The following NAALADL2 variants were observed in gnomAD, a reference collection of about 807,000 sequenced individuals.
NAALADL2 encodes N-acetylated alpha-linked acidic dipeptidase like 2.
In NAALADL2, 76 loss-of-function variants were observed where a neutral mutation model predicts 87.2. The observed-to-expected ratio is 0.87, with a 90% CI of 0.72 to 1.05. The LOEUF (loss-of-function observed/expected upper bound fraction) is 1.05, where lower values mean the gene tolerates loss of function less well. NAALADL2 is among the 50% of genes least tolerant of loss of function. The pLI is 0.00. For synonymous variants in NAALADL2, 354 were observed against 331.0 expected, an observed-to-expected ratio of 1.07 and a Z score of -0.75; for missense variants, 1,089 against 945.8, an observed-to-expected ratio of 1.15 and a Z score of -1.99.
intron 1 of NAALADL2, among the ~76,000 whole-genome samples, chr3:174,449,585 T>C (rs1189514302): frequency 6.6e-6 from 1 of 152,188 alleles, no homozygotes; most frequent in Non-Finnish European, 1.5e-5. Context: ...ACAGTATAAA[T>C]GTATTGTCAA....
chr3:175,775,941 A>G (rs914972841), intron 13 of NAALADL2, among the ~76,000 whole-genome samples: 4 of 152,092 alleles, frequency 2.6e-5, no homozygotes, highest in African/African-American at 9.7e-5. Flanking sequence ...CAGCTACAGG[A>G]GCTTTCTGTC....
rs77850359 is a variant in NAALADL2, at chr3:174,446,252, G to A, written c.-184+5220G>A. On this transcript the variant is annotated intron_variant, in intron 1 of 3. Transcript: ENST00000434257. Reference sequence around the variant, plus strand: ...AGTAGAGATATTTTAATTTTTAGATGGTCAGTCATGAAAAACTTCAGAAGT... The same window carrying A: ...AGTAGAGATATTTTAATTTTTAGATAGTCAGTCATGAAAAACTTCAGAAGT... Among the ~76,000 whole-genome samples, 349 of 152,110 alleles carry A rather than the reference G, an allele frequency of 2.3e-3. 3 individuals carry two copies. The highest frequency in any genetic ancestry group is 8.1e-3 in the African/African-American group (337 of 41,512).
chr3:175,341,761 A>G (rs1015744643), intron 5 of NAALADL2, among the ~76,000 whole-genome samples: 3 of 152,178 alleles, frequency 2.0e-5, no homozygotes, highest in Non-Finnish European at 2.9e-5. Flanking sequence ...CTATGCCAAC[A>G]TCATAGACAT....
chr3:175,147,710 C>T lies in NAALADL2; in HGVS notation c.545+50419C>T, dbSNP rs150876540. Among the ~76,000 whole-genome samples the T allele has an allele frequency of 2.6e-3, 389 of 152,260 alleles. 1 individual carries two copies. Among genetic ancestry groups the T allele is most frequent in the African/African-American group, 9.0e-3 (376 of 41,562 alleles). ...CTAAACTAATTTATATTACCACCAA[C>T]AGCGTGTAAACATTCCCTTTTCTCT... On this transcript the variant is annotated intron_variant, in intron 2 of 13. Coordinates refer to ENST00000454872, the MANE Select transcript of NAALADL2 (RefSeq NM_207015.3).
intron 12 of NAALADL2, among the ~76,000 whole-genome samples, chr3:175,739,475 A>T (rs1056559671): frequency 6.6e-6 from 1 of 152,184 alleles, no homozygotes; most frequent in Non-Finnish European, 1.5e-5. Flanking sequence ...AAAATGACCT[A>T]TTGGGTTATT....
intron 2 of NAALADL2, among the ~76,000 whole-genome samples, chr3:175,146,610 G>C (rs1030690944): frequency 2.0e-5 from 3 of 152,236 alleles, no homozygotes; most frequent in East Asian, 1.9e-4. Context: ...GGACGAACTA[G>C]ATTGTGAAAA....
At chr3:175,667,241 A>AAGAAAGAAG (rs1182682303) in intron 11 of NAALADL2, among the ~76,000 whole-genome samples, 1 of 91,716 alleles carries the variant, frequency 1.1e-5, no homozygotes, top group Non-Finnish European at 2.2e-5. Context: ...GAAAGAAAGA[A>AAGAAAGAAG]AAAGAAAGAA....
intron 3 of NAALADL2, among the ~76,000 whole-genome samples, chr3:174,789,336 G>A (rs543078505): frequency 7.9e-5 from 12 of 152,178 alleles, no homozygotes; most frequent in East Asian, 1.9e-4. Flanking sequence ...CCAGAAGGGC[G>A]TGAGGTAGGG....
chr3:174,853,452 A>G (rs1725495134), intron 3 of NAALADL2, among the ~76,000 whole-genome samples: 1 of 151,838 alleles, frequency 6.6e-6, no homozygotes, highest in South Asian at 2.1e-4. Context: ...ACTTTGGAAA[A>G]TGCTCTAGGA....
intron 9 of NAALADL2, among the ~76,000 whole-genome samples, chr3:175,570,051 T>C (rs1582443663): frequency 6.6e-6 from 1 of 152,314 alleles, no homozygotes; most frequent in East Asian, 1.9e-4. Flanking sequence ...AGTGCTTGTC[T>C]GAATTTGAAG....
At chr3:175,552,006 A>G (rs954191746) in intron 9 of NAALADL2, among the ~76,000 whole-genome samples, 1 of 152,060 alleles carries the variant, frequency 6.6e-6, no homozygotes, top group Non-Finnish European at 1.5e-5. Context: ...TTTAATGTCA[A>G]TGTATCATTA....
intron 4 of NAALADL2, among the ~76,000 whole-genome samples, chr3:175,313,044 C>G (rs992740076): frequency 5.3e-5 from 8 of 152,118 alleles, no homozygotes; most frequent in African/African-American, 1.9e-4. Context: ...AGATCAAAGG[C>G]TGATAGGTTT....
At chr3:174,703,159 A>G (rs908689428) in intron 2 of NAALADL2, among the ~76,000 whole-genome samples, 29 of 152,236 alleles carry the variant, frequency 1.9e-4, no homozygotes, top group Admixed American at 1.6e-3. Flanking sequence ...TTATTTTTAG[A>G]GACAGGGTCT....
At position 175,025,586 on chromosome 3, in the gene NAALADL2, T is replaced by A. The variant is rs574913113; in HGVS notation, c.44-71204T>A. 6.6e-5 allele frequency among the ~76,000 whole-genome samples: 10 copies of A among 152,294 alleles called. No homozygotes were observed. The South Asian group carries it at 1.9e-3, about 28-fold the overall frequency. On this transcript the variant is annotated intron_variant, in intron 1 of 13. Coordinates refer to ENST00000454872, the MANE Select transcript of NAALADL2 (RefSeq NM_207015.3). ...AAGAAAGTACCTTCAAACTACTAAC[T>A]GTTTATTTCCAAACTTTGTCATGAA...
intron 9 of NAALADL2, among the ~76,000 whole-genome samples, chr3:175,563,482 C>T (rs997311828): frequency 2.0e-5 from 3 of 152,146 alleles, no homozygotes; most frequent in African/African-American, 7.2e-5. Context: ...CACTCCGAGT[C>T]TAATTATTTT....
intron 3 of NAALADL2, among the ~76,000 whole-genome samples, chr3:174,739,114 A>G (rs1439033800): frequency 6.6e-6 from 1 of 152,226 alleles, no homozygotes; most frequent in African/African-American, 2.4e-5. Context: ...TTTCTAGCAT[A>G]ATATTCTAAC....
rs545515914 is a variant in NAALADL2, at chr3:175,317,474, C to T, written c.940-6701C>T. ...TCCCTCCCTAGACAGCTATTCTTTC[C>T]CAGTTAATTGGAGTTAGCTCTCAAG... On this transcript the variant is annotated intron_variant, in intron 4 of 13. Coordinates refer to ENST00000454872, the MANE Select transcript of NAALADL2 (RefSeq NM_207015.3). 9.2e-5 allele frequency among the ~76,000 whole-genome samples: 14 copies of T among 151,936 alleles called. No individual in the cohort carries two copies. In the East Asian group the frequency reaches 2.5e-3, roughly 28 times the overall value.
intron 4 of NAALADL2, among the ~76,000 whole-genome samples, chr3:175,273,729 T>TGC (rs1472875858): frequency 2.0e-5 from 3 of 146,628 alleles, no homozygotes; most frequent in African/African-American, 7.7e-5. Context: ...TGTGTGTGTG[T>TGC]GTGCGTGTGT....
intron 2 of NAALADL2, among the ~76,000 whole-genome samples, chr3:174,619,138 A>G (rs1720760826): frequency 2.0e-5 from 3 of 151,942 alleles, no homozygotes; most frequent in African/African-American, 7.2e-5. Context: ...AGTTTTTACT[A>G]ATAGGAGACA....
Sources: gnomAD v4.1 joint callset for allele counts (sites outside exome capture counted in the v4.1 genomes callset) on GRCh38, gnomAD v4.1.1 for gene constraint, MANE v1.5 for transcripts, NCBI Gene and HGNC (gene_info 2026-07-23, HGNC 2026-07-21) for gene names.